The following KIF15 variants were observed in gnomAD, a reference collection of about 807,000 sequenced individuals.
The protein encoded by KIF15 is kinesin family member 15, also known as kinesin-like protein KIF15.
KIF15 carries 140 observed loss-of-function variants against 190.6 expected under a neutral mutation model. The observed-to-expected ratio is 0.73, with a 90% CI of 0.64 to 0.84. The LOEUF (loss-of-function observed/expected upper bound fraction) is 0.84, where lower values mean the gene tolerates loss of function less well. KIF15 is among the 40% of genes least tolerant of loss of function. KIF15 has a pLI of 0.00. For missense variants in KIF15, 1,372 were observed against 1,584.4 expected, an observed-to-expected ratio of 0.87 and a Z score of 2.28; for synonymous variants, 528 against 551.3, an observed-to-expected ratio of 0.96 and a Z score of 0.59.
rs1387301940 is a variant in KIF15 at position 44,830,900 on chromosome 3, A to G, written c.3053A>G (p.Lys1018Arg). The change falls in exon 26 of 35, where the codon AAA becomes AGA. Residue 1018 changes from lysine to arginine, a missense_variant. Physicochemically the swap from Lys to Arg is conservative, Grantham distance 26 (BLOSUM62 2). Transcript: ENST00000326047. ...GCATGACTTTCTTTTCTACAGTGCA[A>G]ATACAACTCTGCTTTGGTTGACAGA... ...LKQELKDINCKYNSALVDREE... is the reference protein window; with the variant it reads ...LKQELKDINCRYNSALVDREE... 6.2e-7 allele frequency: 1 copy of G among 1,613,286 alleles called. No individual in the cohort carries two copies. The highest frequency in any genetic ancestry group is 1.7e-5 in the Admixed American group (1 of 59,904).
chr3:44,814,603 G>A (rs1452267350), intron 19 of KIF15, among the ~76,000 whole-genome samples: 3 of 152,186 alleles, frequency 2.0e-5, no homozygotes, highest in Admixed American at 6.6e-5. Flanking sequence ...AAGCCACTGT[G>A]TCTGCCCTTA....
chr3:44,772,152 G>A (rs1218877396), intron 1 of KIF15, among the ~76,000 whole-genome samples: 2 of 152,156 alleles, frequency 1.3e-5, no homozygotes, highest in Admixed American at 6.5e-5. Flanking sequence ...AGATCCAGTA[G>A]CTGTAAGATT....
chr3:44,841,416 G>A (rs1302595584), intron 29 of KIF15, among the ~76,000 whole-genome samples, 178 bp downstream of exon 29: 1 of 100,158 alleles, frequency 1.0e-5, no homozygotes, highest in African/African-American at 3.9e-5. Context: ...TTTTTTTTTT[G>A]AGACGGAGTC....
Position 44,801,967 on chromosome 3 carries a change from G to T in KIF15, c.1502G>T (p.Arg501Leu), listed in dbSNP as rs138043992. 5,723 of 1,603,674 alleles carry T rather than the reference G, an allele frequency of 3.6e-3. 17 individuals are homozygous for T. Among genetic ancestry groups the T allele is most frequent in the Non-Finnish European group, 4.1e-3 (4,755 of 1,171,648 alleles). Residue 501 changes from arginine (R) to leucine (L), a missense_variant, in exon 13 of 35, where the codon CGA becomes CTA. Arg to Leu is a moderately radical substitution (Grantham distance 102, BLOSUM62 -2). Coordinates refer to ENST00000326047, the MANE Select transcript of KIF15 (RefSeq NM_020242.3). ...TTAAGGAATGAGATTCAAACTCTGC[G>T]AGAACAAGTGAGTATACGGCATCTA... ...SELRNEIQTL[R>L]EQIEHHPRVA... is the part of the protein sequence containing the mutation.
rs991180473 is a variant in KIF15 at position 44,805,943 on chromosome 3, A to G, written c.1928A>G (p.Gln643Arg). 1 of 1,614,202 alleles carries G rather than the reference A, an allele frequency of 6.2e-7. No homozygotes were observed. The highest frequency in any genetic ancestry group is 8.5e-7 in the Non-Finnish European group (1 of 1,180,018). Residue 643 changes from glutamine (Q) to arginine (R), a missense_variant, in exon 16 of 35, where the codon CAA (glutamine) becomes CGA (arginine). Gln to Arg is a conservative substitution (Grantham distance 43). Transcript: ENST00000326047. ...GAAGCAACAAAAGCCTGCAAGCGGC[A>G]AGAAGTTTCTCAGCTGAATAAAATT... ...LLEATKACKR[Q>R]EVSQLNKIHA... is the part of the protein sequence containing the mutation.
At chr3:44,813,545 T>G (rs1032878252) in intron 19 of KIF15, among the ~76,000 whole-genome samples, 7 of 150,976 alleles carry the variant, frequency 4.6e-5, no homozygotes, top group Admixed American at 4.6e-4. Context: ...GCCTCCTGAG[T>G]AGTAGCTGGG....
chr3:44,775,497 C>A, intron 3 of KIF15, 60 bp downstream of exon 3: 1 of 1,303,970 alleles, frequency 7.7e-7, no homozygotes, highest in Non-Finnish European at 1.1e-6. Flanking sequence ...CACTCTGTCA[C>A]CAGGCTGGAG....
chr3:44,793,946 T>C (rs1397393926), intron 7 of KIF15, among the ~76,000 whole-genome samples: 1 of 149,338 alleles, frequency 6.7e-6, no homozygotes, highest in Non-Finnish European at 1.5e-5. Context: ...AGTGGCACAA[T>C]CATGGCTCAC....
chr3:44,851,037 A>G (rs1416986115), intron 32 of KIF15, among the ~76,000 whole-genome samples: 1 of 152,180 alleles, frequency 6.6e-6, no homozygotes, highest in African/African-American at 2.4e-5. Context: ...CAAGGAGAAG[A>G]GGATTGCTTG....
At chr3:44,775,867 T>C (rs1705860594) in intron 3 of KIF15, among the ~76,000 whole-genome samples, 1 of 151,512 alleles carries the variant, frequency 6.6e-6, no homozygotes, top group African/African-American at 2.4e-5. Context: ...AATCATGAGG[T>C]CAGGAGATCG....
intron 6 of KIF15, chr3:44,862,150 CGGGCGGGCGGGCGGGGCGCCGCT>C: frequency 1.1e-5 from 1 of 93,418 alleles, no homozygotes; most frequent in Non-Finnish European, 2.0e-5. Context: ...GCTGCTGCTG[CGGGCGGGCGGGCGGGGCGCCGCT>C]GGGCGGAGGA....
At chr3:44,791,724 T>A (rs1206721780) in intron 7 of KIF15, among the ~76,000 whole-genome samples, 1 of 152,204 alleles carries the variant, frequency 6.6e-6, no homozygotes, top group Non-Finnish European at 1.5e-5. Context: ...ATACCTTGCC[T>A]TTTTTATTTT....
chr3:44,772,481 A>G (rs1388535468), intron 1 of KIF15, among the ~76,000 whole-genome samples: 1 of 152,238 alleles, frequency 6.6e-6, no homozygotes, highest in Admixed American at 6.5e-5. Context: ...GTTGACTGAG[A>G]AAAAAACCTT....
chr3:44,856,370 G>A (rs1041407419), downstream of KIF15, among the ~76,000 whole-genome samples: 2 of 152,218 alleles, frequency 1.3e-5, no homozygotes, highest in African/African-American at 4.8e-5. Context: ...ACACTGAGAA[G>A]TGATTTCTTT....
At chr3:44,830,610 C>T (rs943360013) in intron 25 of KIF15, among the ~76,000 whole-genome samples, 3 of 152,184 alleles carry the variant, frequency 2.0e-5, no homozygotes, top group Admixed American at 1.3e-4. Flanking sequence ...AGGCTTTTGT[C>T]ACTCCTCCTC....
chr3:44,790,979 C>A (rs895663374), intron 7 of KIF15, among the ~76,000 whole-genome samples: 10 of 152,176 alleles, frequency 6.6e-5, no homozygotes, highest in Non-Finnish European at 1.3e-4. Context: ...CTGGGCCCGG[C>A]CCCTTCTGTT....
At chr3:44,809,426 G>T (rs17076963) in intron 16 of KIF15, among the ~76,000 whole-genome samples, 1,708 of 152,024 alleles carry the variant, frequency 0.011, 25 homozygotes, top group African/African-American at 0.038. Flanking sequence ...TTATATTTTT[G>T]ATGTAGCCAG....
intron 32 of KIF15, among the ~76,000 whole-genome samples, chr3:44,851,244 C>G (rs1327550679): frequency 6.6e-6 from 1 of 152,076 alleles, no homozygotes; most frequent in East Asian, 1.9e-4. Context: ...CTAGCCTGGG[C>G]AGCAGAGTGA....
chr3:44,858,694 T>A (rs1426766474), intron 6 of KIF15, among the ~76,000 whole-genome samples: 1 of 152,158 alleles, frequency 6.6e-6, no homozygotes, highest in Non-Finnish European at 1.5e-5. Context: ...AAGGAGTGCA[T>A]TAAAGAACGT....
Sources: gnomAD v4.1 joint callset for allele counts (sites outside exome capture counted in the v4.1 genomes callset) on GRCh38, gnomAD v4.1.1 for gene constraint, MANE v1.5 for transcripts, NCBI Gene and HGNC (gene_info 2026-07-23, HGNC 2026-07-21) for gene names.